Variants in C2CD3 observed in about 807,000 individuals in gnomAD.
C2CD3 encodes C2 domain containing 3 centriole elongation regulator, also known as C2 domain-containing protein 3.
A neutral mutation model predicts 234.0 loss-of-function variants in C2CD3; 148 were observed. The observed-to-expected ratio is 0.63, with a 90% CI of 0.55 to 0.72. The LOEUF (loss-of-function observed/expected upper bound fraction) is 0.72, where lower values mean the gene tolerates loss of function less well. C2CD3 is among the 30% of genes least tolerant of loss of function. C2CD3 has a pLI of 0.00. For synonymous variants in C2CD3, 1,000 were observed against 1,035.4 expected (o/e 0.97, Z 0.66); for missense variants, 2,577 against 2,811.5 (o/e 0.92, Z 1.89).
chr11:74,153,694 T>C (rs957041715), intron 3 of C2CD3, among the ~76,000 whole-genome samples: 3 of 152,180 alleles, frequency 2.0e-5, no homozygotes, highest in African/African-American at 4.8e-5. Context: ...AAGCTGATTC[T>C]AATATTTATA....
At chr11:74,109,753 G>A (rs1340952207) in intron 11 of C2CD3, among the ~76,000 whole-genome samples, 6 of 152,038 alleles carry the variant, frequency 3.9e-5, no homozygotes, top group Non-Finnish European at 1.5e-5. Context: ...TTGTGCTCAT[G>A]GCCATGGAGT....
chr11:74,059,678 C>T (rs896306888), intron 24 of C2CD3, among the ~76,000 whole-genome samples: 4 of 152,086 alleles, frequency 2.6e-5, no homozygotes, highest in South Asian at 2.1e-4. Flanking sequence ...CCAAGATGGC[C>T]GAATAGGAAC....
chr11:74,124,923 G>T (rs1367658341), intron 7 of C2CD3, among the ~76,000 whole-genome samples: 1 of 151,990 alleles, frequency 6.6e-6, no homozygotes. Context: ...ACCTGTCTAT[G>T]ATATACTAAA....
chr11:74,137,434 C>G (rs1238709989), intron 5 of C2CD3, among the ~76,000 whole-genome samples: 1 of 151,846 alleles, frequency 6.6e-6, no homozygotes, highest in Non-Finnish European at 1.5e-5. Context: ...CAAGTCTACA[C>G]AAGTGAGCTG....
At chr11:74,152,094 T>C (rs1855704521) in intron 3 of C2CD3, among the ~76,000 whole-genome samples, 1 of 152,186 alleles carries the variant, frequency 6.6e-6, no homozygotes. Context: ...TAAGATACTT[T>C]GAAGTCTCAT....
chr11:74,085,635 T>A lies in C2CD3; in HGVS notation c.3893A>T (p.His1298Leu). 1 of 1,614,178 alleles carries A rather than the reference T, an allele frequency of 6.2e-7. No homozygotes were observed. The change falls in exon 21 of 33, where the codon CAT (histidine) becomes CTT (leucine). Residue 1298 changes from histidine (H) to leucine (L), a missense_variant. His to Leu is a moderately conservative substitution (Grantham distance 99, BLOSUM62 -3). Transcript: ENST00000334126. ...EFAEVIFAVY[H>L]ENTKSASDII... ...GTGCTCACCTGACTTGGTATTTTCA[T>A]GATAGACAGCAAAAATAACTTCTGC...
intron 5 of C2CD3, 88 bp from the exon 6 acceptor site, chr11:74,133,645 C>T: frequency 7.3e-7 from 1 of 1,367,090 alleles, no homozygotes; most frequent in African/African-American, 1.4e-5. Context: ...TATCAGAGGA[C>T]TCACTAGTGT....
At chr11:74,166,449 T>G (rs1856819361) in intron 2 of C2CD3, among the ~76,000 whole-genome samples, 1 of 152,148 alleles carries the variant, frequency 6.6e-6, no homozygotes, top group African/African-American at 2.4e-5. Flanking sequence ...GAAATTTGGG[T>G]GCTGGCACAT....
intron 3 of C2CD3, among the ~76,000 whole-genome samples, chr11:74,145,433 T>C (rs1855114320): frequency 6.6e-6 from 1 of 152,198 alleles, no homozygotes; most frequent in African/African-American, 2.4e-5. Context: ...TACATTTCTT[T>C]AAGTTCCTTA....
chr11:74,041,323 C>T (rs1363019135), intron 29 of C2CD3, among the ~76,000 whole-genome samples: 1 of 152,174 alleles, frequency 6.6e-6, no homozygotes, highest in Admixed American at 6.5e-5. Flanking sequence ...CTGGCATTTC[C>T]CCAAACTTGA....
At chr11:74,126,852 T>G (rs536664305) in intron 7 of C2CD3, among the ~76,000 whole-genome samples, 4 of 152,326 alleles carry the variant, frequency 2.6e-5, no homozygotes, top group South Asian at 4.1e-4. Context: ...AACATTTTCA[T>G]CATCTCAAAA....
intron 32 of C2CD3, among the ~76,000 whole-genome samples, chr11:74,026,386 A>C (rs1236414920): frequency 6.6e-6 from 1 of 152,094 alleles, no homozygotes; most frequent in East Asian, 1.9e-4. Flanking sequence ...AGACATCTTG[A>C]AATGGTGCTG....
chr11:74,077,771 GTATATATATATATATATATATATATA>G (rs553597652), intron 23 of C2CD3, among the ~76,000 whole-genome samples: 15 of 69,206 alleles, frequency 2.2e-4, no homozygotes, highest in Admixed American at 4.8e-4. Flanking sequence ...AGAACTTACA[GTATATATATATATATATATATATATA>G]TATATATATA....
intron 32 of C2CD3, among the ~76,000 whole-genome samples, chr11:74,025,714 C>T (rs771386146): frequency 7.2e-5 from 11 of 151,858 alleles, no homozygotes; most frequent in Non-Finnish European, 1.5e-4. Flanking sequence ...AGGGAGGATA[C>T]GAGGGCTGGA....
Position 74,098,272 on chromosome 11 carries a change from T to C in C2CD3, c.2733-17A>G. The C allele has an allele frequency of 6.2e-7, 1 of 1,610,044 alleles. No homozygotes were observed. The highest frequency in any genetic ancestry group is 1.7e-5 in the Admixed American group (1 of 59,704). ...TTAGCATCTCTAGAGGGGGAGAAAT[T>C]GTGAATAAGCAAATAACAAGCATCA... On this transcript the variant is annotated splice_polypyrimidine_tract_variant and intron_variant, in intron 15 of 32. Transcript: ENST00000334126.
At chr11:74,097,883 G>T in intron 16 of C2CD3, 126 bp downstream of exon 16, 1 of 856,398 alleles carries the variant, frequency 1.2e-6, no homozygotes, top group Non-Finnish European at 1.8e-6. Context: ...AGGAAGCACT[G>T]GAGTGCACAT....
chr11:74,029,762 TTA>T (rs1952449981), intron 31 of C2CD3, among the ~76,000 whole-genome samples: 1 of 152,200 alleles, frequency 6.6e-6, no homozygotes, highest in Non-Finnish European at 1.5e-5. Context: ...TTTTATTTTG[TTA>T]TGTTTTTTGA....
chr11:74,162,179 G>C (rs1219590040), intron 2 of C2CD3, among the ~76,000 whole-genome samples: 2 of 151,984 alleles, frequency 1.3e-5, no homozygotes, highest in Non-Finnish European at 2.9e-5. Context: ...TTAATAAAAT[G>C]TGTTTTTTTA....
Position 74,012,852 on chromosome 11 carries a change from C to T in C2CD3, c.*533G>A, listed in dbSNP as rs2135394633. ...AAAAGTTTGAAGGAAGTGATTTCCC[C>T]TTCCTCTCCTAATTGATTAATTCAA... On this transcript the variant is annotated 3_prime_UTR_variant, in exon 33 of 33. Transcript: ENST00000334126. The T allele has an allele frequency of 6.6e-6, 1 of 152,138 alleles. No homozygotes were observed. The highest frequency in any genetic ancestry group is 2.1e-4 in the South Asian group (1 of 4,820). 9.4% of individuals were successfully genotyped at this position (152,138 alleles called of 1,614,324 possible).
Sources: gnomAD v4.1 joint callset for allele counts (sites outside exome capture counted in the v4.1 genomes callset) on GRCh38, gnomAD v4.1.1 for gene constraint, MANE v1.5 for transcripts, NCBI Gene and HGNC (gene_info 2026-07-23, HGNC 2026-07-21) for gene names.